TTBK2: variants seen among roughly 807,000 people sequenced by gnomAD.
TTBK2 encodes the protein tau-tubulin kinase 2.
Under a neutral mutation model 110.8 loss-of-function variants are expected in TTBK2, and 28 were observed. The ratio of observed to expected loss-of-function variants is 0.25; its 90% CI spans 0.19 to 0.35. TTBK2 has a LOEUF of 0.35. Among genes scored for constraint, TTBK2 ranks in the 10% least tolerant of loss-of-function variants. The pLI is 1.00. For missense variants in TTBK2, 1,369 were observed against 1,500.3 expected (o/e 0.91, Z 1.45); for synonymous variants, 532 against 527.3 (o/e 1.01, Z -0.12).
chr15:42,884,274 T>C (rs1222994691), intron 1 of TTBK2, among the ~76,000 whole-genome samples: 3 of 152,188 alleles, frequency 2.0e-5, no homozygotes, highest in Non-Finnish European at 4.4e-5. Context: ...CATTGGGGTA[T>C]AATTGTAAAA....
Position 42,874,946 on chromosome 15 carries a change from A to G in TTBK2, c.70-2188T>C, listed in dbSNP as rs1174660624. Among the ~76,000 whole-genome samples, 4 of 146,620 alleles carry G rather than the reference A, an allele frequency of 2.7e-5. No individual in the cohort carries two copies. The East Asian group carries it at 8.2e-4, about 30-fold the overall frequency. ...GGTTGCAGTGAGCCAAGATCACACC[A>G]TTGCACTCCAGCCTGGGCAACAGTG... On this transcript the variant is annotated intron_variant, in intron 2 of 14. Transcript: ENST00000267890.
At chr15:42,876,723 A>G (rs1255812423) in intron 2 of TTBK2, among the ~76,000 whole-genome samples, 1 of 152,198 alleles carries the variant, frequency 6.6e-6, no homozygotes, top group Non-Finnish European at 1.5e-5. Context: ...CAATAAAAAA[A>G]TATTTAAATA....
intron 4 of TTBK2, among the ~76,000 whole-genome samples, chr15:42,831,245 T>G (rs2140989649): frequency 6.6e-6 from 1 of 152,188 alleles, no homozygotes; most frequent in African/African-American, 2.4e-5. Context: ...GTGTTTTTTG[T>G]TTTTTAAATA....
intron 13 of TTBK2, among the ~76,000 whole-genome samples, chr15:42,763,161 T>C (rs189227008): frequency 5.4e-3 from 55 of 10,114 alleles, no homozygotes; most frequent in African/African-American, 0.021. Flanking sequence ...TATATACATA[T>C]ATATATATAT....
Position 42,889,474 on chromosome 15 carries a change from T to C in TTBK2, c.-67-10790A>G, listed in dbSNP as rs190226651. Among the ~76,000 whole-genome samples the C allele has an allele frequency of 3.3e-5, 5 of 152,280 alleles. No homozygotes were observed. The East Asian group carries it at 9.7e-4, about 29-fold the overall frequency. ...AAGCAGTTTCTCAGGCTCTTGGTAT[T>C]CAGTGGAATCTTCATACCCCTTACC... On this transcript the variant is annotated intron_variant, in intron 1 of 14. Transcript: ENST00000267890.
chr15:42,909,675 A>C (rs2030632429), intron 1 of TTBK2, among the ~76,000 whole-genome samples: 1 of 152,234 alleles, frequency 6.6e-6, no homozygotes, highest in African/African-American at 2.4e-5. Flanking sequence ...ACATGAATGA[A>C]TCTCACAAAC....
intron 1 of TTBK2, among the ~76,000 whole-genome samples, chr15:42,903,337 A>C (rs1321254329): frequency 6.6e-6 from 1 of 152,220 alleles, no homozygotes; most frequent in South Asian, 2.1e-4. Context: ...AAAAAGTCCT[A>C]CAGATAGATG....
rs1214421678 is a variant in TTBK2 at position 42,852,898 on chromosome 15, T to C, written c.218-12465A>G. Among the ~76,000 whole-genome samples the C allele has an allele frequency of 2.0e-5, 3 of 152,262 alleles. No homozygotes were observed. The East Asian group carries it at 5.8e-4, about 29-fold the overall frequency. ...GAGTAGATTATATGTTTACATAAGG[T>C]TAAAGGATAGAATGAAGGGTAAGGA... is the stretch of plus-strand genomic sequence containing the variant. On this transcript the variant is annotated intron_variant, in intron 3 of 14. Coordinates refer to ENST00000267890, the MANE Select transcript of TTBK2 (RefSeq NM_173500.4).
intron 6 of TTBK2, among the ~76,000 whole-genome samples, chr15:42,825,746 GT>G (rs1892505789): frequency 6.6e-6 from 1 of 152,122 alleles, no homozygotes; most frequent in Non-Finnish European, 1.5e-5. Flanking sequence ...ATAAAATTCA[GT>G]TCCTCATTTG....
At chr15:42,805,529 G>T (rs1239287770) in intron 9 of TTBK2, among the ~76,000 whole-genome samples, 1 of 152,058 alleles carries the variant, frequency 6.6e-6, no homozygotes, top group Admixed American at 6.6e-5. Flanking sequence ...TGCATCGAGG[G>T]GTCTAATATG....
At chr15:42,835,151 A>C (rs1384764055) in intron 4 of TTBK2, among the ~76,000 whole-genome samples, 1 of 152,184 alleles carries the variant, frequency 6.6e-6, no homozygotes, top group Non-Finnish European at 1.5e-5. Context: ...TGCAACCCCC[A>C]TTAAAATAAT....
intron 10 of TTBK2, among the ~76,000 whole-genome samples, chr15:42,791,799 T>C (rs1890697938): frequency 6.6e-6 from 1 of 152,154 alleles, no homozygotes; most frequent in Admixed American, 6.5e-5. Flanking sequence ...TATTTCTTAT[T>C]AATCAATCCT....
intron 1 of TTBK2, among the ~76,000 whole-genome samples, chr15:42,898,465 C>T (rs1895756917): frequency 6.6e-6 from 1 of 151,186 alleles, no homozygotes; most frequent in South Asian, 2.1e-4. Flanking sequence ...GAGAGCCAAT[C>T]GTGCCACTGC....
At chr15:42,756,770 T>C (rs1567004462) in intron 13 of TTBK2, among the ~76,000 whole-genome samples, 1 of 151,760 alleles carries the variant, frequency 6.6e-6, no homozygotes, top group African/African-American at 2.4e-5. Context: ...TGGTGGCCTG[T>C]ACCTGTAATC....
At position 42,914,639 on chromosome 15, in the gene TTBK2, T is replaced by C. The variant is rs143457527; in HGVS notation, c.-68+5799A>G. On this transcript the variant is annotated intron_variant, in intron 1 of 14. Transcript: ENST00000267890. ...AACTCTTTCAAGTGTTCTTGTGTTC[T>C]GAAAGAACTTGTCTAAAGCTGTTTC... 6.3e-4 allele frequency among the ~76,000 whole-genome samples: 96 copies of C among 152,368 alleles called. 2 individuals are homozygous for C. In the East Asian group the frequency reaches 0.014, roughly 23 times the overall value.
At chr15:42,754,295 G>A (rs2061911591) in intron 13 of TTBK2, among the ~76,000 whole-genome samples, 1 of 151,898 alleles carries the variant, frequency 6.6e-6, no homozygotes, top group African/African-American at 2.4e-5. Context: ...TGCCCAGGCT[G>A]GTCTCGAACT....
chr15:42,827,870 G>T, intron 6 of TTBK2, 58 bp downstream of exon 6: 3 of 1,373,490 alleles, frequency 2.2e-6, no homozygotes, highest in South Asian at 1.2e-5. Context: ...TAAAAAGTGT[G>T]ATACTATAAA....
intron 5 of TTBK2, among the ~76,000 whole-genome samples, chr15:42,828,727 A>G (rs1388324353): frequency 6.6e-6 from 1 of 151,894 alleles, no homozygotes; most frequent in African/African-American, 2.4e-5. Flanking sequence ...TGTCACAAAA[A>G]AAAAAAAAAA....
At chr15:42,892,264 TTA>T (rs1895487025) in intron 1 of TTBK2, among the ~76,000 whole-genome samples, 1 of 152,202 alleles carries the variant, frequency 6.6e-6, no homozygotes, top group African/African-American at 2.4e-5. Flanking sequence ...TGCCTGATTT[TTA>T]TATAAATAAC....
Sources: allele counts gnomAD v4.1 joint callset (sites outside exome capture counted in the v4.1 genomes callset), GRCh38; gene constraint gnomAD v4.1.1; transcripts MANE v1.5; gene names NCBI Gene and HGNC (gene_info 2026-07-23, HGNC 2026-07-21).